Variants in DACH1 observed in about 807,000 individuals in gnomAD.
DACH1 encodes the protein dachshund family transcription factor 1.
DACH1 carries 12 observed loss-of-function variants against 54.2 expected under a neutral mutation model. The ratio of observed to expected loss-of-function variants is 0.22; its 90% CI spans 0.14 to 0.36. The LOEUF is 0.36. DACH1 is among the 10% of genes least tolerant of loss of function. The probability of loss-of-function intolerance (pLI) is 1.00; values close to 1 mark genes in which losing one functional copy is unlikely to be tolerated. For synonymous variants in DACH1, 386 were observed against 366.2 expected (o/e 1.05, Z -0.62); for missense variants, 805 against 929.8 (o/e 0.87, Z 1.75).
At chr13:71,499,780 T>C (rs1161560841) in intron 6 of DACH1, among the ~76,000 whole-genome samples, 4 of 152,156 alleles carry the variant, frequency 2.6e-5, no homozygotes, top group Non-Finnish European at 4.4e-5. Context: ...CGCTTGCCCA[T>C]AGAAAGTGAA....
At chr13:71,638,304 A>G (rs1435009609) in intron 2 of DACH1, among the ~76,000 whole-genome samples, 1 of 152,206 alleles carries the variant, frequency 6.6e-6, no homozygotes, top group Non-Finnish European at 1.5e-5. Flanking sequence ...GTGCTCATGC[A>G]CAGCTATTAG....
At chr13:71,668,626 T>A (rs546735632) in intron 2 of DACH1, among the ~76,000 whole-genome samples, 47 of 152,084 alleles carry the variant, frequency 3.1e-4, no homozygotes, top group African/African-American at 7.2e-4. Context: ...ATTTTTTTTT[T>A]TAAAAATAAA....
chr13:71,698,296 A>G lies in DACH1; in HGVS notation c.849-16386T>C, dbSNP rs1226592082. ...ACACATATGTAATTAGTTAATAAAC[A>G]TTAAAAGATTTACAATTTCACTAGC... On this transcript the variant is annotated intron_variant, in intron 1 of 10. Transcript: ENST00000613252. Among the ~76,000 whole-genome samples the G allele has an allele frequency of 2.6e-5, 4 of 152,312 alleles. No individual in the cohort carries two copies. The East Asian group carries it at 7.7e-4, about 29-fold the overall frequency.
At chr13:71,461,281 T>C (rs1004752682) in intron 10 of DACH1, among the ~76,000 whole-genome samples, 3 of 152,066 alleles carry the variant, frequency 2.0e-5, no homozygotes, top group African/African-American at 7.2e-5. Flanking sequence ...CAAAATATTA[T>C]CTCAAAAGTA....
At chr13:71,606,446 T>A (rs1874886866) in intron 3 of DACH1, among the ~76,000 whole-genome samples, 1 of 152,008 alleles carries the variant, frequency 6.6e-6, no homozygotes. Context: ...GATTTCAGAA[T>A]CTAAAATAGA....
At chr13:71,835,122 G>A (rs189877420) in intron 1 of DACH1, among the ~76,000 whole-genome samples, 3 of 152,138 alleles carry the variant, frequency 2.0e-5, no homozygotes, top group Admixed American at 1.3e-4. Context: ...CTTTGGAAAT[G>A]TTGGCTCAGA....
intron 2 of DACH1, among the ~76,000 whole-genome samples, chr13:71,634,792 A>G (rs914572873): frequency 2.6e-5 from 4 of 152,212 alleles, no homozygotes; most frequent in African/African-American, 7.2e-5. Flanking sequence ...GTTTTAAACT[A>G]TGCAAATAGC....
chr13:71,573,078 C>A, intron 3 of DACH1, 66 bp from the exon 4 acceptor site: 2 of 1,470,540 alleles, frequency 1.4e-6, no homozygotes, highest in South Asian at 2.6e-5. Context: ...TTGAAACAGT[C>A]AAAAGTTTTC....
intron 1 of DACH1, among the ~76,000 whole-genome samples, chr13:71,751,689 T>TA (rs1388502875): frequency 2.0e-5 from 3 of 152,098 alleles, no homozygotes; most frequent in Non-Finnish European, 4.4e-5. Flanking sequence ...AAGTAAAAAG[T>TA]AAAAAACTAA....
intron 10 of DACH1, among the ~76,000 whole-genome samples, chr13:71,448,820 T>C (rs1874715688): frequency 1.2e-5 from 1 of 83,198 alleles, no homozygotes. Context: ...TAACAGATTC[T>C]GTGGTTTTTT....
At chr13:71,793,311 C>T (rs1886908698) in intron 1 of DACH1, among the ~76,000 whole-genome samples, 1 of 152,148 alleles carries the variant, frequency 6.6e-6, no homozygotes, top group Non-Finnish European at 1.5e-5. Context: ...AGCTGCTTAA[C>T]TATATCTTTG....
At chr13:71,838,530 T>G (rs1888885722) in intron 1 of DACH1, among the ~76,000 whole-genome samples, 1 of 152,208 alleles carries the variant, frequency 6.6e-6, no homozygotes, top group Non-Finnish European at 1.5e-5. Context: ...AAAGATATAG[T>G]GAAACCAAAT....
chr13:71,559,191 G>A (rs1000619450), intron 5 of DACH1, among the ~76,000 whole-genome samples: 2 of 151,920 alleles, frequency 1.3e-5, no homozygotes, highest in African/African-American at 4.8e-5. Flanking sequence ...ATTAAATATT[G>A]TGAAAATATT....
intron 2 of DACH1, 69 bp from the exon 3 acceptor site, chr13:71,630,786 C>T (rs1877040188): frequency 2.1e-6 from 3 of 1,447,532 alleles, no homozygotes; most frequent in South Asian, 1.5e-5. Flanking sequence ...CCTGTACTTG[C>T]TATAACCAAC....
intron 10 of DACH1, among the ~76,000 whole-genome samples, chr13:71,460,403 G>A (rs1226781382): frequency 6.6e-6 from 1 of 152,054 alleles, no homozygotes; most frequent in Non-Finnish European, 1.5e-5. Context: ...ATTACGAGAT[G>A]AGGAAATGTA....
chr13:71,634,922 A>G (rs999711758), intron 2 of DACH1, among the ~76,000 whole-genome samples: 3 of 152,232 alleles, frequency 2.0e-5, no homozygotes, highest in African/African-American at 7.2e-5. Context: ...CAGTAGAGAA[A>G]AACAGTCTCT....
chr13:71,834,124 G>GA (rs776647964), intron 1 of DACH1, among the ~76,000 whole-genome samples: 1 of 152,128 alleles, frequency 6.6e-6, no homozygotes, highest in South Asian at 2.1e-4. Flanking sequence ...AAAATGGACA[G>GA]AAAAAATCAA....
chr13:71,466,198 G>A (rs1876549472), intron 10 of DACH1, among the ~76,000 whole-genome samples: 1 of 152,042 alleles, frequency 6.6e-6, no homozygotes, highest in African/African-American at 2.4e-5. Context: ...AAATCAAAAT[G>A]GATCTAGCAT....
intron 3 of DACH1, among the ~76,000 whole-genome samples, chr13:71,613,916 T>G (rs896783766): frequency 6.6e-6 from 1 of 152,126 alleles, no homozygotes; most frequent in Non-Finnish European, 1.5e-5. Context: ...TTCACCATGT[T>G]GCCCAGGCTG....
Sources: allele counts gnomAD v4.1 joint callset (sites outside exome capture counted in the v4.1 genomes callset), GRCh38; gene constraint gnomAD v4.1.1; transcripts MANE v1.5; gene names NCBI Gene and HGNC (gene_info 2026-07-23, HGNC 2026-07-21).